EGFR: variants seen among roughly 807,000 people sequenced by gnomAD.
The protein encoded by EGFR is epidermal growth factor receptor.
EGFR carries 58 observed loss-of-function variants against 143.0 expected under a neutral mutation model. That is an observed-to-expected ratio of 0.41 (90% confidence interval 0.33 to 0.50). EGFR has a LOEUF of 0.50. EGFR is among the 20% of genes least tolerant of loss of function. The pLI is 0.39. For synonymous variants in EGFR, 613 were observed against 594.4 expected (o/e 1.03, Z -0.45); for missense variants, 1,307 against 1,579.0 (o/e 0.83, Z 2.92).
At chr7:55,085,693 T>C (rs1790712447) in intron 1 of EGFR, among the ~76,000 whole-genome samples, 1 of 152,224 alleles carries the variant, frequency 6.6e-6, no homozygotes, top group Non-Finnish European at 1.5e-5. Flanking sequence ...CGTGGTGGAA[T>C]TCTGCTAACG....
chr7:55,034,051 C>A (rs1032500495), intron 1 of EGFR, among the ~76,000 whole-genome samples: 1 of 152,154 alleles, frequency 6.6e-6, no homozygotes, highest in African/African-American at 2.4e-5. Context: ...TGGCCATGCA[C>A]ACTTTCCAAG....
intron 1 of EGFR, among the ~76,000 whole-genome samples, chr7:55,067,089 C>T (rs770698365): frequency 1.3e-5 from 2 of 152,218 alleles, no homozygotes; most frequent in African/African-American, 2.4e-5. Context: ...GACATCTCTC[C>T]TGCAGCACTG....
rs117177972 is a variant in EGFR at position 55,141,389 on chromosome 7, T to C, written c.89-897T>C. On this transcript the variant is annotated intron_variant, in intron 1 of 27. Coordinates refer to ENST00000275493, the MANE Select transcript of EGFR (RefSeq NM_005228.5). ...CTATGGTCCAACTTTGTCCCTTAAT[T>C]TAAAATTTTTTCTTGGATTAAGTTT... 1.7e-3 allele frequency among the ~76,000 whole-genome samples: 260 copies of C among 152,288 alleles called. 1 individual carries two copies. Among genetic ancestry groups the C allele is most frequent in the Non-Finnish European group, 3.1e-3 (209 of 68,030 alleles).
At position 55,197,280 on chromosome 7, in the gene EGFR, T is replaced by C. The variant is rs191588440; in HGVS notation, c.2702-1437T>C. Among the ~76,000 whole-genome samples the C allele has an allele frequency of 6.7e-4, 102 of 152,272 alleles. 1 individual carries two copies. The East Asian group carries it at 0.019, about 28-fold the overall frequency. ...TATTCTTTTTGTGGCAATTGTGAAT[T>C]GAATTGCATTCCTGATTTGGTTCTC... On this transcript the variant is annotated intron_variant, in intron 22 of 27. Coordinates refer to ENST00000275493, the MANE Select transcript of EGFR (RefSeq NM_005228.5).
At chr7:55,115,709 A>C (rs1415665652) in intron 1 of EGFR, among the ~76,000 whole-genome samples, 3 of 152,154 alleles carry the variant, frequency 2.0e-5, no homozygotes, top group Non-Finnish European at 4.4e-5. Flanking sequence ...CAGAGGCTGT[A>C]GATAGCACCT....
chr7:55,170,852 A>C (rs985846229), intron 15 of EGFR: 18 of 1,411,932 alleles, frequency 1.3e-5, no homozygotes, highest in Non-Finnish European at 1.7e-5. Flanking sequence ...CTCTGTTTGA[A>C]ATTCTAGAGC....
rs1788097345 is a variant in EGFR, at chr7:55,206,101, G to A, written c.*484G>A. On this transcript the variant is annotated 3_prime_UTR_variant, in exon 28 of 28. Coordinates refer to ENST00000275493, the MANE Select transcript of EGFR (RefSeq NM_005228.5). ...CTTCCAGAGGATGCTTGATTCCAGT[G>A]GTTCTGCTTCAAGGCTTCCACTGCA... 1 of 318,554 alleles carries A rather than the reference G, an allele frequency of 3.1e-6. No individual in the cohort carries two copies. Among genetic ancestry groups the A allele is most frequent in the Non-Finnish European group, 5.8e-6 (1 of 171,988 alleles). The allele number at this position is 318,554 out of a possible 1,614,324, so 19.7% of individuals were successfully genotyped here.
At chr7:55,203,650 C>CCACA (rs569650307) in intron 27 of EGFR, among the ~76,000 whole-genome samples, 5,969 of 140,722 alleles carry the variant, frequency 0.042, 384 homozygotes, top group African/African-American at 0.15. Context: ...CACACACACA[C>CCACA]CACACACCAC....
intron 1 of EGFR, among the ~76,000 whole-genome samples, chr7:55,032,251 A>G (rs1014555246): frequency 6.6e-6 from 1 of 152,200 alleles, no homozygotes. Context: ...TGAAATGTAG[A>G]CATCAAACAT....
In EGFR at chr7:55,206,331, G is replaced by A. The variant is rs529371213; in HGVS notation, c.*714G>A. The A allele has an allele frequency of 8.5e-6, 2 of 234,162 alleles. No homozygotes were observed. Among genetic ancestry groups the A allele is most frequent in the South Asian group, 3.6e-4 (2 of 5,546 alleles). 14.5% of individuals were successfully genotyped at this position (234,162 alleles called of 1,614,324 possible). Reference sequence around the variant, plus strand: ...CCCACTGATGGACCAGTGGTTTCCAGTCATGAGCGTTAGACTGACTTGTTT... The same window carrying A: ...CCCACTGATGGACCAGTGGTTTCCAATCATGAGCGTTAGACTGACTTGTTT... On this transcript the variant is annotated 3_prime_UTR_variant, in exon 28 of 28. Coordinates refer to ENST00000275493, the MANE Select transcript of EGFR (RefSeq NM_005228.5).
At position 55,123,702 on chromosome 7, in the gene EGFR, T is replaced by C. The variant is rs1039104176; in HGVS notation, c.89-18584T>C. On this transcript the variant is annotated intron_variant, in intron 1 of 27. Coordinates refer to ENST00000275493, the MANE Select transcript of EGFR (RefSeq NM_005228.5). ...TCATGGATATGAATGTCAATTCAAA[T>C]CCCAGTGGCAGTTTATGAGGGGGAA... Among the ~76,000 whole-genome samples, 5 of 152,106 alleles carry C rather than the reference T, an allele frequency of 3.3e-5. No homozygotes were observed. The South Asian group carries it at 6.2e-4, about 19-fold the overall frequency.
intron 1 of EGFR, among the ~76,000 whole-genome samples, chr7:55,103,977 C>A (rs956400029): frequency 6.6e-6 from 1 of 152,122 alleles, no homozygotes. Context: ...TTTTTCCATG[C>A]CAGAAGGGTA....
intron 1 of EGFR, among the ~76,000 whole-genome samples, chr7:55,060,442 A>G (rs59889061): frequency 6.6e-6 from 1 of 152,294 alleles, no homozygotes; most frequent in Admixed American, 6.5e-5. Flanking sequence ...GATTTTCTCA[A>G]AGTCTCACAT....
intron 20 of EGFR, among the ~76,000 whole-genome samples, chr7:55,188,558 T>C (rs1188191040): frequency 6.6e-6 from 1 of 152,172 alleles, no homozygotes; most frequent in Admixed American, 6.5e-5. Context: ...ATATTTTAAT[T>C]TCAATTAAAG....
At chr7:55,150,437 A>C (rs942456541) in intron 4 of EGFR, among the ~76,000 whole-genome samples, 1 of 152,182 alleles carries the variant, frequency 6.6e-6, no homozygotes, top group Non-Finnish European at 1.5e-5. Flanking sequence ...TTCTGGCTTC[A>C]CAGTCACATG....
At chr7:55,155,506 A>G (rs981199120) in intron 7 of EGFR, among the ~76,000 whole-genome samples, 4 of 152,178 alleles carry the variant, frequency 2.6e-5, no homozygotes, top group Non-Finnish European at 4.4e-5. Context: ...ATTAATACAA[A>G]TGAATTACTT....
chr7:55,065,671 T>C (rs554982242), intron 1 of EGFR, among the ~76,000 whole-genome samples: 9 of 152,256 alleles, frequency 5.9e-5, no homozygotes, highest in Admixed American at 5.2e-4. Flanking sequence ...AGCGATGAGT[T>C]CAAGCGTCCC....
intron 1 of EGFR, among the ~76,000 whole-genome samples, chr7:55,020,392 G>C (rs185448522): frequency 6.6e-6 from 1 of 152,336 alleles, no homozygotes; most frequent in African/African-American, 2.4e-5. Context: ...GGGATCGCGG[G>C]ACTCTTGAGC....
At chr7:55,081,731 T>TTTTA (rs1554326156) in intron 1 of EGFR, among the ~76,000 whole-genome samples, 2 of 151,280 alleles carry the variant, frequency 1.3e-5, no homozygotes, top group Non-Finnish European at 3.0e-5. Context: ...TTTTTTTTTT[T>TTTTA]TTATTTGCAA....
Sources: gnomAD v4.1 joint callset for allele counts (sites outside exome capture counted in the v4.1 genomes callset) on GRCh38, gnomAD v4.1.1 for gene constraint, MANE v1.5 for transcripts, NCBI Gene and HGNC (gene_info 2026-07-23, HGNC 2026-07-21) for gene names.